The following LIN28B variants were observed in gnomAD, a reference collection of about 807,000 sequenced individuals.
LIN28B encodes the protein protein lin-28 homolog B.
A neutral mutation model predicts 21.9 loss-of-function variants in LIN28B; 5 were observed. The ratio of observed to expected loss-of-function variants is 0.23; its 90% CI spans 0.12 to 0.48. The LOEUF (loss-of-function observed/expected upper bound fraction) is 0.48, where lower values mean the gene tolerates loss of function less well. Among genes scored for constraint, LIN28B ranks in the 20% least tolerant of loss-of-function variants. The pLI is 0.98. For synonymous variants in LIN28B, 109 were observed against 111.3 expected (o/e 0.98, Z 0.13); for missense variants, 245 against 310.5 (o/e 0.79, Z 1.58).
intron 2 of LIN28B, among the ~76,000 whole-genome samples, chr6:105,023,601 A>T (rs1374485166): frequency 0.021 from 218 of 10,278 alleles, 1 homozygote; most frequent in Non-Finnish European, 0.026. Flanking sequence ...TATTATATAT[A>T]TAAAATATAT....
intron 3 of LIN28B, among the ~76,000 whole-genome samples, chr6:105,046,159 G>T (rs964627084): frequency 6.6e-6 from 1 of 151,808 alleles, no homozygotes; most frequent in Non-Finnish European, 1.5e-5. Context: ...AATGCTATCC[G>T]TCCCCCCTCC....
chr6:104,980,271 T>C (rs1179842514), intron 2 of LIN28B, among the ~76,000 whole-genome samples: 1 of 152,242 alleles, frequency 6.6e-6, no homozygotes, highest in East Asian at 1.9e-4. Context: ...CCATGGTATA[T>C]TAAGTACCTT....
At chr6:105,054,974 T>A (rs1452330843) in intron 3 of LIN28B, among the ~76,000 whole-genome samples, 1 of 152,188 alleles carries the variant, frequency 6.6e-6, no homozygotes, top group Non-Finnish European at 1.5e-5. Context: ...AGGGTTTTTT[T>A]TAAACTACTT....
chr6:105,076,260 G>A (rs1460300216), intron 3 of LIN28B, among the ~76,000 whole-genome samples: 5 of 151,726 alleles, frequency 3.3e-5, no homozygotes, highest in Non-Finnish European at 7.4e-5. Flanking sequence ...ATATGATTCA[G>A]TCTGTCCTAA....
intron 2 of LIN28B, among the ~76,000 whole-genome samples, chr6:104,982,249 G>A (rs1051448196): frequency 5.9e-5 from 9 of 152,034 alleles, no homozygotes; most frequent in African/African-American, 1.9e-4. Context: ...GGGAGGCAGA[G>A]GTTGCGGTGA....
chr6:105,037,446 C>G (rs1043679065), intron 3 of LIN28B, among the ~76,000 whole-genome samples: 8 of 151,670 alleles, frequency 5.3e-5, no homozygotes, highest in African/African-American at 2.4e-5. Context: ...AGAGCTACAA[C>G]TTTTCTCTCC....
At chr6:105,078,008 G>GT (rs1210360650) in intron 3 of LIN28B, among the ~76,000 whole-genome samples, 1 of 152,148 alleles carries the variant, frequency 6.6e-6, no homozygotes, top group Non-Finnish European at 1.5e-5. Flanking sequence ...GCCAACAGCT[G>GT]TATTTCTACA....
At chr6:104,958,053 A>T in intron 1 of LIN28B, 46 bp from the exon 2 acceptor site, 2 of 1,310,832 alleles carry the variant, frequency 1.5e-6, no homozygotes, top group East Asian at 2.7e-5. Flanking sequence ...TTGAATGCAC[A>T]TTGAATGGGA....
chr6:104,949,374 A>G (rs1778193046), intron 2 of LIN28B, among the ~76,000 whole-genome samples: 1 of 152,196 alleles, frequency 6.6e-6, no homozygotes, highest in Non-Finnish European at 1.5e-5. Context: ...GATTTAATGT[A>G]CAGAGGTTCA....
In LIN28B at chr6:105,074,125, A is replaced by C. The variant is rs112695113; in HGVS notation, c.384-4289A>C. 1.3e-3 allele frequency among the ~76,000 whole-genome samples: 191 copies of C among 152,328 alleles called. 2 individuals carry two copies. The highest frequency in any genetic ancestry group is 4.4e-3 in the African/African-American group (185 of 41,584). On this transcript the variant is annotated intron_variant, in intron 3 of 3. Coordinates refer to ENST00000345080, the MANE Select transcript of LIN28B (RefSeq NM_001004317.4). ...TATAATTAAATAGTTCTAAAGGTCT[A>C]AACAATTTGTTTTTATTTATTTAAC...
chr6:105,066,684 T>C lies in LIN28B; in HGVS notation c.384-11730T>C, dbSNP rs148482432. Among the ~76,000 whole-genome samples the C allele has an allele frequency of 1.6e-4, 25 of 152,266 alleles. No individual in the cohort carries two copies. The East Asian group carries it at 4.4e-3, about 27-fold the overall frequency. On this transcript the variant is annotated intron_variant, in intron 3 of 3. Transcript: ENST00000345080. ...ATGGTGTTAAAATTCTTTTATATAT[T>C]GTTTGGACATTTACATCTACTTCTC...
intron 3 of LIN28B, among the ~76,000 whole-genome samples, chr6:105,058,610 T>C (rs1772067803): frequency 6.6e-6 from 1 of 152,228 alleles, no homozygotes; most frequent in South Asian, 2.1e-4. Flanking sequence ...TCACTGACTT[T>C]TCAGTGCCAT....
At chr6:105,010,362 CAAA>C (rs143121695) in intron 2 of LIN28B, among the ~76,000 whole-genome samples, 8 of 104,486 alleles carry the variant, frequency 7.7e-5, no homozygotes, top group Non-Finnish European at 8.1e-5. Context: ...GACCCTGACT[CAAA>C]AAAAAAAAAA....
chr6:105,014,210 CAA>C (rs1307429216), intron 2 of LIN28B, among the ~76,000 whole-genome samples: 66 of 152,260 alleles, frequency 4.3e-4, no homozygotes, highest in African/African-American at 1.5e-3. Flanking sequence ...TACAGTGGCA[CAA>C]TCACAGCTCA....
chr6:105,064,383 C>T (rs1384696768), intron 3 of LIN28B, among the ~76,000 whole-genome samples: 2 of 152,270 alleles, frequency 1.3e-5, no homozygotes, highest in Non-Finnish European at 2.9e-5. Flanking sequence ...TGACTCTCCA[C>T]TCTCCAGGAT....
intron 3 of LIN28B, among the ~76,000 whole-genome samples, chr6:104,951,951 C>T (rs538549347): frequency 1.3e-5 from 2 of 152,290 alleles, no homozygotes; most frequent in South Asian, 4.1e-4. Flanking sequence ...TTGCTTCAGG[C>T]ATCTTTAAAG....
At chr6:105,025,495 A>G (rs185768813) in intron 2 of LIN28B, among the ~76,000 whole-genome samples, 3 of 152,356 alleles carry the variant, frequency 2.0e-5, no homozygotes, top group Admixed American at 2.0e-4. Flanking sequence ...CTTTCAAATT[A>G]TAAAAAGCTC....
At chr6:105,018,533 C>T (rs1349958792) in intron 2 of LIN28B, among the ~76,000 whole-genome samples, 1 of 152,160 alleles carries the variant, frequency 6.6e-6, no homozygotes, top group Non-Finnish European at 1.5e-5. Context: ...TGTAAAGCTT[C>T]TATAATGCTT....
chr6:104,950,745 C>A lies in LIN28B; in HGVS notation c.67+236C>A, dbSNP rs73771032. ...TAATTAACCCCTTTCCCCCCACCCC[C>A]ACTTTTAGCAGTATTGTATTTTGTG... On this transcript the variant is annotated intron_variant, in intron 3 of 5. Coordinates refer to the LIN28B transcript ENST00000635857. Among the ~76,000 whole-genome samples the A allele has an allele frequency of 4.1e-3, 616 of 152,000 alleles. 2 individuals are homozygous for A. The highest frequency in any genetic ancestry group is 0.015 in the African/African-American group (605 of 41,470).
Sources: gnomAD v4.1 joint callset for allele counts (sites outside exome capture counted in the v4.1 genomes callset) on GRCh38, gnomAD v4.1.1 for gene constraint, MANE v1.5 for transcripts, NCBI Gene and HGNC (gene_info 2026-07-23, HGNC 2026-07-21) for gene names.